The following TRAIP variants were observed in gnomAD, a reference collection of about 807,000 sequenced individuals.
The protein encoded by TRAIP is E3 ubiquitin-protein ligase TRAIP.
A neutral mutation model predicts 65.0 loss-of-function variants in TRAIP; 37 were observed. The observed-to-expected ratio is 0.57, with a 90% CI of 0.44 to 0.75. The LOEUF (loss-of-function observed/expected upper bound fraction) is 0.75, where lower values mean the gene tolerates loss of function less well. TRAIP is among the 30% of genes least tolerant of loss of function. The pLI, the probability that TRAIP is intolerant of heterozygous loss-of-function variation, is 0.00. For synonymous variants in TRAIP, 187 were observed against 219.1 expected (o/e 0.85, Z 1.29); for missense variants, 481 against 579.4 (o/e 0.83, Z 1.74).
In TRAIP at chr3:49,829,131, G is replaced by A. The variant is rs769082920; in HGVS notation, c.1382C>T (p.Ala461Val). ...CGACCACAGGAAGGTGTCCAGCTTG[G>A]CCTGGAAGAGAGAAGGCACTGTCTT... ...RVKTVPSLFQAKLDTFLWS is the reference protein window; with the variant it reads ...RVKTVPSLFQVKLDTFLWS Residue 461 changes from alanine (A) to valine (V), a missense_variant, in exon 15 of 15, where the codon GCC (alanine) becomes GTC (valine). Coordinates refer to ENST00000331456, the MANE Select transcript of TRAIP (RefSeq NM_005879.3). 5.6e-6 allele frequency: 9 copies of A among 1,614,214 alleles called. No homozygotes were observed. The South Asian group carries it at 9.9e-5, about 18-fold the overall frequency.
chr3:49,845,898 T>C (rs1452200771), intron 3 of TRAIP, among the ~76,000 whole-genome samples: 1 of 152,136 alleles, frequency 6.6e-6, no homozygotes, highest in Non-Finnish European at 1.5e-5. Context: ...AGCAGTGAGG[T>C]TCCAAGGACA....
At chr3:49,829,999 C>T in intron 12 of TRAIP, 21 bp downstream of exon 12, 5 of 1,614,130 alleles carry the variant, frequency 3.1e-6, no homozygotes, top group Non-Finnish European at 4.2e-6. Flanking sequence ...TTAGACTGTG[C>T]TTCTTCTAGA....
intron 1 of TRAIP, among the ~76,000 whole-genome samples, chr3:49,854,199 C>T (rs1264996065): frequency 1.3e-5 from 2 of 152,064 alleles, no homozygotes; most frequent in African/African-American, 4.8e-5. Context: ...GTGACATGCA[C>T]CTGTAGTCCC....
At chr3:49,839,523 C>T (rs1285239464) in intron 10 of TRAIP, among the ~76,000 whole-genome samples, 2 of 152,228 alleles carry the variant, frequency 1.3e-5, no homozygotes, top group African/African-American at 4.8e-5. Flanking sequence ...TGCCCCAAGA[C>T]AGTCAGTGCT....
At position 49,832,705 on chromosome 3, in the gene TRAIP, GGGGGGGGGGGGTGGGGGGT is replaced by G. The variant is rs2081746098; in HGVS notation, c.885-656_885-638del. ...GTGTTTTTACTTTTATAACACGGGG[GGGGGGGGGGGGTGGGGGGT>G]GGGGAGTGAAGTTTTATTCTATTAA... is the stretch of plus-strand genomic sequence containing the variant. On this transcript the variant is annotated intron_variant, in intron 10 of 14. Transcript: ENST00000331456. 1.5e-5 allele frequency among the ~76,000 whole-genome samples: 2 copies of G among 130,954 alleles called. 1 individual carries two copies. Among genetic ancestry groups the G allele is most frequent in the Non-Finnish European group, 3.3e-5 (2 of 60,484 alleles). The allele number at this position is 130,954 out of a possible 152,430, so 85.9% of individuals were successfully genotyped here. A position where few individuals can be genotyped will look rare whatever the true frequency, so the allele number is the denominator to read the frequency against.
intron 6 of TRAIP, 63 bp downstream of exon 6, chr3:49,842,390 G>T: frequency 6.5e-7 from 1 of 1,527,172 alleles, no homozygotes; most frequent in South Asian, 1.1e-5. Flanking sequence ...GCAGTCCTAA[G>T]AACTGTACCA....
At chr3:49,855,402 C>G (rs1021172703) in intron 1 of TRAIP, among the ~76,000 whole-genome samples, 1 of 151,840 alleles carries the variant, frequency 6.6e-6, no homozygotes, top group African/African-American at 2.4e-5. Flanking sequence ...GAGCCGAGAT[C>G]ACGCCACTGC....
intron 10 of TRAIP, among the ~76,000 whole-genome samples, chr3:49,836,590 G>A (rs1440488292): frequency 6.6e-6 from 1 of 152,162 alleles, no homozygotes; most frequent in Non-Finnish European, 1.5e-5. Context: ...CAGCACTTTG[G>A]GAAGCCCAGG....
At chr3:49,848,244 T>C in intron 1 of TRAIP, 44 bp from the exon 2 acceptor site, 1 of 1,605,828 alleles carries the variant, frequency 6.2e-7, no homozygotes, top group Non-Finnish European at 8.5e-7. Context: ...CCCTGGTTTG[T>C]CTGGGGACAT....
At chr3:49,838,438 T>C (rs2081807392) in intron 10 of TRAIP, among the ~76,000 whole-genome samples, 2 of 152,200 alleles carry the variant, frequency 1.3e-5, no homozygotes, top group South Asian at 2.1e-4. Flanking sequence ...ATATAGCTGG[T>C]TGGCTGTGGG....
chr3:49,837,542 A>T (rs1405361691), intron 10 of TRAIP, among the ~76,000 whole-genome samples: 1 of 152,208 alleles, frequency 6.6e-6, no homozygotes, highest in East Asian at 1.9e-4. Context: ...CCTAGTTAAA[A>T]GAAGGGCTTT....
intron 1 of TRAIP, among the ~76,000 whole-genome samples, chr3:49,848,996 G>A (rs2081909118): frequency 6.6e-6 from 1 of 151,850 alleles, no homozygotes; most frequent in South Asian, 2.1e-4. Context: ...ACAGGCATGC[G>A]CGACCACGCC....
At position 49,831,900 on chromosome 3, in the gene TRAIP, A is replaced by G; in HGVS notation, c.1037+16T>C. The G allele has an allele frequency of 3.2e-6, 5 of 1,544,742 alleles. No individual in the cohort carries two copies. Among genetic ancestry groups the G allele is most frequent in the Non-Finnish European group, 4.4e-6 (5 of 1,142,200 alleles). ...CCCCTACCAGCCCATGGACAGTGCCAGCGACTATCACTCACTGTGACTTCT... is the reference window on the plus strand; with the variant it reads ...CCCCTACCAGCCCATGGACAGTGCCGGCGACTATCACTCACTGTGACTTCT... On this transcript the variant is annotated intron_variant, in intron 11 of 14. Transcript: ENST00000331456.
chr3:49,839,215 G>T (rs2081815701), intron 10 of TRAIP, among the ~76,000 whole-genome samples: 1 of 150,446 alleles, frequency 6.6e-6, no homozygotes, highest in South Asian at 2.1e-4. Context: ...AAAAAAAAAA[G>T]ACTGGGGCCA....
At chr3:49,830,095 G>A (rs1333344555) in intron 11 of TRAIP, 27 bp from the exon 12 acceptor site, 3 of 1,613,732 alleles carry the variant, frequency 1.9e-6, no homozygotes, top group East Asian at 2.2e-5. Flanking sequence ...GAAGGCAAGG[G>A]GTAGGTAAGC....
chr3:49,852,919 C>A (rs1460389569), intron 1 of TRAIP, among the ~76,000 whole-genome samples: 1 of 151,666 alleles, frequency 6.6e-6, no homozygotes, highest in African/African-American at 2.4e-5. Context: ...GTCAGGAGTT[C>A]GAGACCAGCC....
chr3:49,844,407 C>A, intron 4 of TRAIP, 134 bp downstream of exon 4: 1 of 949,630 alleles, frequency 1.1e-6, no homozygotes, highest in South Asian at 1.5e-5. Flanking sequence ...CAACAGCTAG[C>A]AGGACTCTTG....
chr3:49,848,971 C>T (rs1334643759), intron 1 of TRAIP, among the ~76,000 whole-genome samples: 1 of 152,008 alleles, frequency 6.6e-6, no homozygotes, highest in East Asian at 1.9e-4. Flanking sequence ...CTCAGCCTCC[C>T]AGGTAGCTGG....
chr3:49,852,932 G>A (rs1002008193), intron 1 of TRAIP, among the ~76,000 whole-genome samples: 37 of 151,882 alleles, frequency 2.4e-4, no homozygotes, highest in African/African-American at 8.9e-4. Context: ...GACCAGCCTG[G>A]CCAACATGGT....
Sources: gnomAD v4.1 joint callset for allele counts (sites outside exome capture counted in the v4.1 genomes callset) on GRCh38, gnomAD v4.1.1 for gene constraint, MANE v1.5 for transcripts, NCBI Gene and HGNC (gene_info 2026-07-23, HGNC 2026-07-21) for gene names.